Variants in ANKS1B observed in about 807,000 individuals in gnomAD.
The protein encoded by ANKS1B is ankyrin repeat and sterile alpha motif domain-containing protein 1B.
Under a neutral mutation model 148.3 loss-of-function variants are expected in ANKS1B, and 36 were observed. The observed-to-expected ratio is 0.24, with a 90% confidence interval of 0.19 to 0.32. The LOEUF (loss-of-function observed/expected upper bound fraction) is 0.32. ANKS1B is among the 10% of genes least tolerant of loss of function. The pLI, the probability that ANKS1B is intolerant of heterozygous loss-of-function variation, is 1.00. For missense variants in ANKS1B, 1,157 were observed against 1,542.6 expected (o/e 0.75, Z 4.19); for synonymous variants, 542 against 560.8 (o/e 0.97, Z 0.47).
intron 15 of ANKS1B, among the ~76,000 whole-genome samples, chr12:99,140,899 T>C (rs985024993): frequency 5.3e-5 from 8 of 152,126 alleles, no homozygotes; most frequent in African/African-American, 1.9e-4. Context: ...TTATATCTTC[T>C]ACATCCTTAC....
At chr12:99,369,927 T>C (rs1415563240) in intron 12 of ANKS1B, among the ~76,000 whole-genome samples, 3 of 151,724 alleles carry the variant, frequency 2.0e-5, no homozygotes, top group Non-Finnish European at 4.4e-5. Context: ...TGAATGTAGG[T>C]TGTTGGGTGA....
At chr12:99,698,972 G>GT (rs145295542) in intron 8 of ANKS1B, among the ~76,000 whole-genome samples, 25,584 of 100,732 alleles carry the variant, frequency 0.25, 2,652 homozygotes, top group East Asian at 0.51. Flanking sequence ...GTGTGTGTGT[G>GT]GGTGTGCACG....
intron 10 of ANKS1B, among the ~76,000 whole-genome samples, chr12:99,447,952 C>T (rs1465256073): frequency 2.6e-5 from 4 of 152,038 alleles, no homozygotes; most frequent in Non-Finnish European, 5.9e-5. Flanking sequence ...CAGGCAATAA[C>T]AGATGCTAGC....
At position 98,894,946 on chromosome 12, in the gene ANKS1B, C is replaced by G. The variant is rs1441956070; in HGVS notation, c.2779-62810G>C. Reference sequence around the variant, plus strand: ...TGCCCCCCACCCCCCGCCGCGCGCCCTCGCACCCGCCCGGCTCCACGCGGC... The same window carrying G: ...TGCCCCCCACCCCCCGCCGCGCGCCGTCGCACCCGCCCGGCTCCACGCGGC... On this transcript the variant is annotated intron_variant, in intron 17 of 26. Coordinates refer to ENST00000683438, the MANE Select transcript of ANKS1B (RefSeq NM_001352186.2). 3.4e-6 allele frequency: 3 copies of G among 876,038 alleles called. No homozygotes were observed. The East Asian group carries it at 3.7e-4, about 108-fold the overall frequency. 54.3% of individuals were successfully genotyped at this position (876,038 alleles called of 1,614,324 possible).
intron 12 of ANKS1B, among the ~76,000 whole-genome samples, chr12:99,371,341 G>A (rs2093122314): frequency 6.6e-6 from 1 of 152,074 alleles, no homozygotes; most frequent in Admixed American, 6.6e-5. Flanking sequence ...TAAACTCTTG[G>A]TGATAGTTTG....
At chr12:99,508,401 A>G (rs2096733038) in intron 9 of ANKS1B, among the ~76,000 whole-genome samples, 1 of 151,872 alleles carries the variant, frequency 6.6e-6, no homozygotes, top group South Asian at 2.1e-4. Context: ...GAGAATGGAA[A>G]TTGTATGCCC....
intron 1 of ANKS1B, among the ~76,000 whole-genome samples, chr12:99,928,880 G>C (rs1303879346): frequency 6.6e-6 from 1 of 152,154 alleles, no homozygotes; most frequent in East Asian, 1.9e-4. Flanking sequence ...GAATAGGTAA[G>C]AGAGGAAAAG....
At chr12:99,329,623 A>G (rs1385453483) in intron 12 of ANKS1B, among the ~76,000 whole-genome samples, 1 of 151,906 alleles carries the variant, frequency 6.6e-6, no homozygotes, top group African/African-American at 2.4e-5. Flanking sequence ...ATTAAAGAAT[A>G]AAAAGATATT....
intron 12 of ANKS1B, among the ~76,000 whole-genome samples, chr12:99,311,208 A>C (rs2083115607): frequency 6.6e-6 from 1 of 152,142 alleles, no homozygotes; most frequent in African/African-American, 2.4e-5. Flanking sequence ...ATTAATCTAG[A>C]GATGGATAGC....
chr12:99,476,125 G>A, intron 10 of ANKS1B, among the ~76,000 whole-genome samples: 1 of 152,202 alleles, frequency 6.6e-6, no homozygotes, highest in East Asian at 1.9e-4. Context: ...AGGTGCGGCA[G>A]TTCACGCCTG....
chr12:99,904,497 A>AT (rs1452988922), intron 1 of ANKS1B, among the ~76,000 whole-genome samples: 2 of 152,028 alleles, frequency 1.3e-5, no homozygotes, highest in African/African-American at 4.8e-5. Context: ...CAGCCTAATC[A>AT]TTTTTTTAGA....
intron 12 of ANKS1B, among the ~76,000 whole-genome samples, chr12:99,345,888 A>T (rs529763354): frequency 1.3e-5 from 2 of 152,118 alleles, no homozygotes; most frequent in Admixed American, 1.3e-4. Context: ...TGCACGGATA[A>T]CCTTCACAAA....
Position 98,829,138 on chromosome 12 carries a change from G to A in ANKS1B, c.3066+36C>T, listed in dbSNP as rs373946764. The A allele has an allele frequency of 1.2e-6, 2 of 1,611,658 alleles. No homozygotes were observed. The highest frequency in any genetic ancestry group is 2.7e-5 in the African/African-American group (2 of 74,854). ...ACTATTAAAAGGCATTACCTGATAT[G>A]GTTGAAAAATATCACAAAGGCTTAT... On this transcript the variant is annotated intron_variant, in intron 19 of 26. Coordinates refer to ENST00000683438, the MANE Select transcript of ANKS1B (RefSeq NM_001352186.2). The surrounding 1 kb of genome is among the most constrained non-coding windows in gnomAD (Gnocchi z 5.2).
chr12:99,290,612 T>C (rs1053369054), intron 12 of ANKS1B, among the ~76,000 whole-genome samples: 3 of 152,022 alleles, frequency 2.0e-5, no homozygotes, highest in Admixed American at 6.5e-5. Flanking sequence ...GCAAGGATGG[T>C]TTAACATACA....
chr12:99,679,655 A>G lies in ANKS1B; in HGVS notation c.1129-24445T>C, dbSNP rs2098602939. Reference sequence around the variant, plus strand: ...AAATATTACCAGTTTCAACAAGGGAAGAGAAAAGCAGATATTTTCAAATAA... The same window carrying G: ...AAATATTACCAGTTTCAACAAGGGAGGAGAAAAGCAGATATTTTCAAATAA... On this transcript the variant is annotated intron_variant, in intron 8 of 26. Transcript: ENST00000683438. Among the ~76,000 whole-genome samples the G allele has an allele frequency of 2.0e-5, 3 of 152,096 alleles. No homozygotes were observed. The South Asian group carries it at 6.2e-4, about 32-fold the overall frequency.
intron 8 of ANKS1B, among the ~76,000 whole-genome samples, chr12:99,668,444 G>A (rs550754309): frequency 6.6e-6 from 1 of 151,502 alleles, no homozygotes; most frequent in Non-Finnish European, 1.5e-5. Flanking sequence ...GGAAGCTTAG[G>A]TCTTTCATTT....
chr12:99,290,671 A>T (rs553662501), intron 12 of ANKS1B, among the ~76,000 whole-genome samples: 4 of 152,180 alleles, frequency 2.6e-5, no homozygotes, highest in Non-Finnish European at 5.9e-5. Context: ...AGGGAAAAAA[A>T]CATAAAATCA....
intron 11 of ANKS1B, among the ~76,000 whole-genome samples, chr12:99,408,774 A>G (rs1307189042): frequency 6.8e-6 from 1 of 146,430 alleles, no homozygotes; most frequent in Non-Finnish European, 1.5e-5. Flanking sequence ...ATCATATGAG[A>G]AATGCAAATT....
intron 9 of ANKS1B, chr12:99,649,292 A>G (rs372681376): frequency 6.8e-6 from 11 of 1,613,166 alleles, no homozygotes; most frequent in Non-Finnish European, 9.3e-6. Flanking sequence ...CCCTAGGGAT[A>G]TGCCATGAAG....
Sources: allele counts gnomAD v4.1 joint callset (sites outside exome capture counted in the v4.1 genomes callset), GRCh38; gene constraint gnomAD v4.1.1; non-coding constraint Gnocchi (gnomAD v3.1); transcripts MANE v1.5; gene names NCBI Gene and HGNC (gene_info 2026-07-23, HGNC 2026-07-21).